Variants in LHFPL3 observed in about 807,000 individuals in gnomAD.
LHFPL3 encodes the protein LHFPL tetraspan subfamily member 3 protein.
A neutral mutation model predicts 19.3 loss-of-function variants in LHFPL3; 5 were observed. The ratio of observed to expected loss-of-function variants is 0.26; its 90% CI spans 0.14 to 0.54. LHFPL3 has a LOEUF of 0.54. Ranked by LOEUF, LHFPL3 falls within the 20% of genes least tolerant of loss-of-function variation. LHFPL3 has a pLI of 0.94. For missense variants in LHFPL3, 249 were observed against 307.4 expected (o/e 0.81, Z 1.42); for synonymous variants, 133 against 126.2 (o/e 1.05, Z -0.36).
intron 1 of LHFPL3, among the ~76,000 whole-genome samples, chr7:104,559,704 C>A (rs2115941088): frequency 6.6e-6 from 1 of 152,202 alleles, no homozygotes; most frequent in South Asian, 2.1e-4. Context: ...CTGGCCAGAA[C>A]TTCCAACACT....
intron 1 of LHFPL3, among the ~76,000 whole-genome samples, chr7:104,618,028 A>C (rs1016139419): frequency 6.6e-6 from 1 of 152,166 alleles, no homozygotes; most frequent in Non-Finnish European, 1.5e-5. Flanking sequence ...ATCACTGCCC[A>C]ATGTCTTGGT....
intron 2 of LHFPL3, among the ~76,000 whole-genome samples, chr7:104,801,660 T>A (rs1459644222): frequency 6.6e-6 from 1 of 152,214 alleles, no homozygotes; most frequent in Non-Finnish European, 1.5e-5. Context: ...AACCTCTGCC[T>A]CTTGGGTTCA....
chr7:104,678,132 T>C (rs1792626655), intron 1 of LHFPL3, among the ~76,000 whole-genome samples: 1 of 152,234 alleles, frequency 6.6e-6, no homozygotes, highest in Non-Finnish European at 1.5e-5. Context: ...AATTTAGGTG[T>C]ATTACAGTAG....
chr7:104,899,072 C>T (rs576329148), intron 2 of LHFPL3, among the ~76,000 whole-genome samples: 19 of 151,964 alleles, frequency 1.3e-4, no homozygotes, highest in Non-Finnish European at 2.6e-4. Context: ...CACTGCATTC[C>T]AGCCTTGGTG....
At chr7:104,538,829 C>T (rs1215740406) in intron 1 of LHFPL3, among the ~76,000 whole-genome samples, 2 of 147,324 alleles carry the variant, frequency 1.4e-5, no homozygotes, top group Non-Finnish European at 3.0e-5. Context: ...GAGATTAAAG[C>T]GAGGACCTTA....
intron 1 of LHFPL3, among the ~76,000 whole-genome samples, chr7:104,576,858 C>T (rs1407254153): frequency 6.6e-6 from 1 of 152,188 alleles, no homozygotes; most frequent in Non-Finnish European, 1.5e-5. Context: ...GTCTTGTCTG[C>T]CATTGCTTCC....
chr7:104,592,121 A>G (rs952176757), intron 1 of LHFPL3, among the ~76,000 whole-genome samples: 1 of 152,048 alleles, frequency 6.6e-6, no homozygotes, highest in Non-Finnish European at 1.5e-5. Flanking sequence ...TCTTCTCTCA[A>G]CTCGTCAAAG....
At chr7:104,792,008 A>G (rs1018692852) in intron 2 of LHFPL3, among the ~76,000 whole-genome samples, 1 of 152,204 alleles carries the variant, frequency 6.6e-6, no homozygotes, top group African/African-American at 2.4e-5. Flanking sequence ...ATGGAGAGAT[A>G]TTGGATCTTT....
chr7:104,873,581 T>C (rs1054934753), intron 2 of LHFPL3, among the ~76,000 whole-genome samples: 1 of 152,088 alleles, frequency 6.6e-6, no homozygotes, highest in Non-Finnish European at 1.5e-5. Flanking sequence ...CGAGCTACGA[T>C]CACGTCGCTG....
chr7:104,595,953 C>T (rs189087937), intron 1 of LHFPL3, among the ~76,000 whole-genome samples: 1 of 152,352 alleles, frequency 6.6e-6, no homozygotes, highest in African/African-American at 2.4e-5. Flanking sequence ...CCTGCTTTTC[C>T]AAGTAGTCTG....
intron 2 of LHFPL3, among the ~76,000 whole-genome samples, chr7:104,821,690 T>C (rs556149486): frequency 8.5e-5 from 13 of 152,338 alleles, no homozygotes; most frequent in Admixed American, 1.3e-4. Context: ...CATCTCACTA[T>C]GCTGCTTTAT....
At chr7:104,420,554 A>ATTTTTT (rs71153195) in intron 1 of LHFPL3, among the ~76,000 whole-genome samples, 17 of 112,718 alleles carry the variant, frequency 1.5e-4, no homozygotes, top group Admixed American at 4.5e-4. Context: ...CAAAGGGTGA[A>ATTTTTT]TTTTTTTTTT....
chr7:104,810,167 C>A (rs1454652321), intron 2 of LHFPL3, among the ~76,000 whole-genome samples: 1 of 152,060 alleles, frequency 6.6e-6, no homozygotes, highest in East Asian at 1.9e-4. Context: ...GTTCTTAGTG[C>A]CTAGAAGGGA....
At chr7:104,681,165 T>TC (rs1228348393) in intron 1 of LHFPL3, among the ~76,000 whole-genome samples, 5 of 150,562 alleles carry the variant, frequency 3.3e-5, no homozygotes, top group Non-Finnish European at 5.9e-5. Context: ...TTTTTTTTTT[T>TC]TTTTTTGTTA....
intron 2 of LHFPL3, among the ~76,000 whole-genome samples, chr7:104,883,232 G>A (rs1792088202): frequency 6.6e-6 from 1 of 151,980 alleles, no homozygotes; most frequent in Non-Finnish European, 1.5e-5. Flanking sequence ...AGATAGTTTT[G>A]CCGAGATCTC....
chr7:104,499,988 C>T (rs535246214), intron 1 of LHFPL3, among the ~76,000 whole-genome samples: 26 of 152,226 alleles, frequency 1.7e-4, no homozygotes, highest in East Asian at 1.2e-3. Flanking sequence ...TATTCTTTAA[C>T]GTAAGACTGA....
intron 2 of LHFPL3, among the ~76,000 whole-genome samples, chr7:104,777,376 G>A (rs559184543): frequency 6.6e-6 from 1 of 152,254 alleles, no homozygotes; most frequent in East Asian, 1.9e-4. Flanking sequence ...AGTTACCAGG[G>A]AATATTAATA....
At chr7:104,354,686 T>C (rs997710535) in intron 1 of LHFPL3, among the ~76,000 whole-genome samples, 2 of 152,186 alleles carry the variant, frequency 1.3e-5, no homozygotes, top group African/African-American at 4.8e-5. Flanking sequence ...GCTACCCTAT[T>C]GTCCAGTTCA....
chr7:104,613,547 C>T (rs1791248707), intron 1 of LHFPL3, among the ~76,000 whole-genome samples: 1 of 152,100 alleles, frequency 6.6e-6, no homozygotes, highest in Admixed American at 6.6e-5. Flanking sequence ...AAAGAATTAC[C>T]TAGTGTATGA....
Sources: allele counts gnomAD v4.1 joint callset (sites outside exome capture counted in the v4.1 genomes callset), GRCh38; gene constraint gnomAD v4.1.1; transcripts MANE v1.5; gene names NCBI Gene and HGNC (gene_info 2026-07-23, HGNC 2026-07-21).